Variants in GLS observed in about 807,000 individuals in gnomAD.
GLS encodes the protein glutaminase, also known as glutaminase kidney isoform, mitochondrial.
Under a neutral mutation model 86.7 loss-of-function variants are expected in GLS, and 36 were observed. The observed-to-expected ratio is 0.42, with a 90% confidence interval of 0.32 to 0.55. The LOEUF is 0.55. Among genes scored for constraint, GLS ranks in the 20% least tolerant of loss-of-function variants. The pLI is 0.17. For synonymous variants in GLS, 317 were observed against 305.9 expected (o/e 1.04, Z -0.38); for missense variants, 528 against 833.4 (o/e 0.63, Z 4.51).
rs1023179868 is a variant in GLS, at chr2:190,965,034, A to G, written c.*2048A>G. The G allele has an allele frequency of 3.3e-5, 5 of 152,130 alleles. No individual in the cohort carries two copies. Among genetic ancestry groups the G allele is most frequent in the African/African-American group, 9.7e-5 (4 of 41,432 alleles). The allele number at this position is 152,130 out of a possible 1,614,324, so 9.4% of individuals were successfully genotyped here. On this transcript the variant is annotated 3_prime_UTR_variant, in exon 18 of 18. Transcript: ENST00000320717. The surrounding 1 kb of genome is among the most constrained non-coding windows in gnomAD (Gnocchi z 5.0). The stretch of plus-strand genomic sequence containing the variant: ...TTTACCCCTGATGTTATTTATGACT[A>G]TGTGCCGATTCCTGCTCGGGCTGTT...
At chr2:190,894,365 T>G (rs1688659474) in intron 1 of GLS, among the ~76,000 whole-genome samples, 1 of 152,180 alleles carries the variant, frequency 6.6e-6, no homozygotes, top group Non-Finnish European at 1.5e-5. Context: ...ATTTTTTTTC[T>G]GAATATTTTT....
In GLS at chr2:190,930,326, G is replaced by A; in HGVS notation, c.1426-111G>A. On this transcript the variant is annotated intron_variant, in intron 12 of 17. Transcript: ENST00000320717. This position sits in a 1 kb window ranked among gnomAD's most constrained non-coding sequence, Gnocchi z 5.0. ...GCTTGCCTTGGCCTCCCAAAGTGCTGAGATTACAGGAGTGAGCCATGGTGC... is the reference window on the plus strand; with the variant it reads ...GCTTGCCTTGGCCTCCCAAAGTGCTAAGATTACAGGAGTGAGCCATGGTGC... 2 of 774,246 alleles carry A rather than the reference G, an allele frequency of 2.6e-6. No individual in the cohort carries two copies. The highest frequency in any genetic ancestry group is 4.3e-6 in the Non-Finnish European group (2 of 464,278). 48.0% of individuals were successfully genotyped at this position (774,246 alleles called of 1,614,324 possible). A position where few individuals can be genotyped will look rare whatever the true frequency, so the allele number is the denominator to read the frequency against.
intron 14 of GLS, among the ~76,000 whole-genome samples, chr2:190,936,357 G>A (rs891098181): frequency 6.6e-6 from 1 of 150,910 alleles, no homozygotes; most frequent in Non-Finnish European, 1.5e-5. Flanking sequence ...ATGTATATAC[G>A]TTTGTGCATA....
At position 190,880,895 on chromosome 2, in the gene GLS, C is replaced by T; in HGVS notation, c.-190C>T. 1.9e-6 allele frequency: 1 copy of T among 532,216 alleles called. No individual in the cohort carries two copies. 33.0% of individuals were successfully genotyped at this position (532,216 alleles called of 1,614,324 possible). ...CGCGCAGCAGCAGCAGCAGCAGCAG[C>T]AGCAGCAGCAGCAGCAGCAGCAGCA... On this transcript the variant is annotated 5_prime_UTR_variant, in exon 1 of 18. Transcript: ENST00000320717.
At chr2:190,926,812 A>T (rs755289034) in intron 11 of GLS, among the ~76,000 whole-genome samples, 1 of 152,140 alleles carries the variant, frequency 6.6e-6, no homozygotes, top group Non-Finnish European at 1.5e-5. Flanking sequence ...TACCATATAG[A>T]TGGGGATGCC....
At position 190,935,250 on chromosome 2, in the gene GLS, C is replaced by A; in HGVS notation, c.1650+3613C>A. 1.4e-6 allele frequency: 1 copy of A among 717,010 alleles called. No homozygotes were observed. Among genetic ancestry groups the A allele is most frequent in the Non-Finnish European group, 1.7e-6 (1 of 585,480 alleles). 44.4% of individuals were successfully genotyped at this position (717,010 alleles called of 1,614,324 possible). On this transcript the variant is annotated intron_variant, in intron 14 of 17. Coordinates refer to ENST00000320717, the MANE Select transcript of GLS (RefSeq NM_014905.5). The surrounding 1 kb of genome is among the most constrained non-coding windows in gnomAD (Gnocchi z 4.2). ...TAATGTACCTTTATTTTCCAGTATG[C>A]CTACATTTTGTATTGCACAATAAAT...
intron 14 of GLS, chr2:190,933,341 A>G: frequency 1.1e-6 from 1 of 894,106 alleles, no homozygotes; most frequent in Non-Finnish European, 1.3e-6. Flanking sequence ...AAAATAATGA[A>G]CCCCAAATTA....
chr2:190,924,874 C>T lies in GLS; in HGVS notation c.1248+281C>T, dbSNP rs768657489. On this transcript the variant is annotated intron_variant, in intron 11 of 17. Transcript: ENST00000320717. The surrounding 1 kb of genome is among the most constrained non-coding windows in gnomAD (Gnocchi z 5.2). ...AGGTTGCAGTGAGCCGAGATCACGC[C>T]ACTGCATTCCAGCCTGGCGACACAG... 1.1e-4 allele frequency: 31 copies of T among 284,000 alleles called. No individual in the cohort carries two copies. Among genetic ancestry groups the T allele is most frequent in the Non-Finnish European group, 1.9e-4 (28 of 149,558 alleles). 17.6% of individuals were successfully genotyped at this position (284,000 alleles called of 1,614,324 possible).
chr2:190,903,788 C>G (rs1689034554), intron 5 of GLS, among the ~76,000 whole-genome samples: 1 of 151,844 alleles, frequency 6.6e-6, no homozygotes, highest in African/African-American at 2.4e-5. Context: ...TATAGTATAA[C>G]TATATAGTTT....
intron 9 of GLS, among the ~76,000 whole-genome samples, chr2:190,922,710 A>T (rs1015209899): frequency 6.6e-6 from 1 of 152,080 alleles, no homozygotes; most frequent in African/African-American, 2.4e-5. Context: ...TGTTTTTTTT[A>T]AAAGTACGGC....
rs973619325 is a variant in GLS at position 190,953,747 on chromosome 2, C to T, written c.1712+121C>T. ...TTCCCTTTGATAAAAATGACCCCAA[C>T]AAAATTTTTATTAAATAGGCACTTC... On this transcript the variant is annotated intron_variant, in intron 15 of 17. Coordinates refer to ENST00000320717, the MANE Select transcript of GLS (RefSeq NM_014905.5). This position sits in a 1 kb window ranked among gnomAD's most constrained non-coding sequence, Gnocchi z 4.0. The T allele has an allele frequency of 8.6e-6, 6 of 696,608 alleles. No homozygotes were observed. The highest frequency in any genetic ancestry group is 3.6e-5 in the African/African-American group (2 of 56,326). The allele number at this position is 696,608 out of a possible 1,614,324, so 43.2% of individuals were successfully genotyped here. A position where few individuals can be genotyped will look rare whatever the true frequency, so the allele number is the denominator to read the frequency against.
chr2:190,921,300 A>G lies in GLS; in HGVS notation c.1130+97A>G. On this transcript the variant is annotated intron_variant, in intron 9 of 17. Coordinates refer to ENST00000320717, the MANE Select transcript of GLS (RefSeq NM_014905.5). The surrounding 1 kb of genome is among the most constrained non-coding windows in gnomAD (Gnocchi z 4.2). Reference sequence around the variant, plus strand: ...CATTGGAGGGAAATGAATGATTTCTAAATTACCTGACAGAAACACTTAAAA... The same window carrying G: ...CATTGGAGGGAAATGAATGATTTCTGAATTACCTGACAGAAACACTTAAAA... 8 of 864,208 alleles carry G rather than the reference A, an allele frequency of 9.3e-6. No homozygotes were observed. Among genetic ancestry groups the G allele is most frequent in the Admixed American group, 3.8e-5 (2 of 52,302 alleles). The allele number at this position is 864,208 out of a possible 1,614,324, so 53.5% of individuals were successfully genotyped here. A position where few individuals can be genotyped will look rare whatever the true frequency, so the allele number is the denominator to read the frequency against.
In GLS at chr2:190,914,728, G is replaced by C. The variant is rs1026327868; in HGVS notation, c.1038+4407G>C. On this transcript the variant is annotated intron_variant, in intron 7 of 17. Transcript: ENST00000320717. The surrounding 1 kb of genome is among the most constrained non-coding windows in gnomAD (Gnocchi z 4.4). ...ATACTTTATGAATGGAATCAAGTGC[G>C]ATACTTACAAAATAACTCTGATGCA... Among the ~76,000 whole-genome samples, 12 of 151,912 alleles carry C rather than the reference G, an allele frequency of 7.9e-5. No individual in the cohort carries two copies. Among genetic ancestry groups the C allele is most frequent in the Admixed American group, 3.3e-4 (5 of 15,238 alleles).
intron 1 of GLS, among the ~76,000 whole-genome samples, chr2:190,887,459 A>T (rs1688424525): frequency 6.6e-6 from 1 of 152,140 alleles, no homozygotes; most frequent in Admixed American, 6.5e-5. Context: ...CGAAACATAG[A>T]ACTGTAGATG....
Position 190,881,102 on chromosome 2 carries a change from C to T in GLS, c.18C>T (p.Gly6=). The T allele has an allele frequency of 6.4e-7, 1 of 1,561,852 alleles. No homozygotes were observed. The highest frequency in any genetic ancestry group is 8.6e-7 in the Non-Finnish European group (1 of 1,161,688). Residue 6 remains glycine (G), a synonymous_variant, in exon 1 of 18, where the codon GGC becomes GGT. Coordinates refer to ENST00000320717, the MANE Select transcript of GLS (RefSeq NM_014905.5). The stretch of plus-strand genomic sequence containing the variant: ...CCGGCGGCATGATGCGGCTGCGAGG[C>T]TCGGGGATGCTGCGGGACCTGCTCC... MMRLR[G]SGMLRDLLLR... is the part of the protein sequence containing the mutation.
Position 190,953,984 on chromosome 2 carries a change from G to A in GLS, c.1712+358G>A, listed in dbSNP as rs1385490594. ...TGTGTGTGTGTGTGTGTGTGTGTGT[G>A]TGTGTGTGTGTGAAGCAGCTGGGGG... On this transcript the variant is annotated intron_variant, in intron 15 of 17. Coordinates refer to ENST00000320717, the MANE Select transcript of GLS (RefSeq NM_014905.5). The surrounding 1 kb of genome is among the most constrained non-coding windows in gnomAD (Gnocchi z 4.0). Among the ~76,000 whole-genome samples, 1 of 151,146 alleles carries A rather than the reference G, an allele frequency of 6.6e-6. No homozygotes were observed. The highest frequency in any genetic ancestry group is 1.5e-5 in the Non-Finnish European group (1 of 67,910).
At position 190,935,234 on chromosome 2, in the gene GLS, T is replaced by A; in HGVS notation, c.1650+3597T>A. 1 of 789,246 alleles carries A rather than the reference T, an allele frequency of 1.3e-6. No individual in the cohort carries two copies. Among genetic ancestry groups the A allele is most frequent in the Non-Finnish European group, 1.5e-6 (1 of 651,150 alleles). The allele number at this position is 789,246 out of a possible 1,614,324, so 48.9% of individuals were successfully genotyped here. ...TGCTTTGTATATTTAATAATGTACC[T>A]TTATTTTCCAGTATGCCTACATTTT... On this transcript the variant is annotated intron_variant, in intron 14 of 17. Transcript: ENST00000320717. This position sits in a 1 kb window ranked among gnomAD's most constrained non-coding sequence, Gnocchi z 4.2.
chr2:190,907,289 T>C (rs1360247798), intron 6 of GLS, among the ~76,000 whole-genome samples: 1 of 148,894 alleles, frequency 6.7e-6, no homozygotes. Flanking sequence ...TTGCCCAGGC[T>C]GGAGTGCAGT....
At chr2:190,890,200 T>C (rs1688515536) in intron 1 of GLS, among the ~76,000 whole-genome samples, 1 of 152,128 alleles carries the variant, frequency 6.6e-6, no homozygotes, top group Admixed American at 6.6e-5. Context: ...TTTCTTTTTT[T>C]AGAAATGGAA....
Sources: gnomAD v4.1 joint callset for allele counts (sites outside exome capture counted in the v4.1 genomes callset) on GRCh38, gnomAD v4.1.1 for gene constraint, Gnocchi (gnomAD v3.1) non-coding constraint, MANE v1.5 for transcripts, NCBI Gene and HGNC (gene_info 2026-07-23, HGNC 2026-07-21) for gene names.